MYH15: variants seen among roughly 807,000 people sequenced by gnomAD.
MYH15 encodes the protein myosin heavy chain 15.
In MYH15, 227 loss-of-function variants were observed where a neutral mutation model predicts 240.5. The ratio of observed to expected loss-of-function variants is 0.94; its 90% CI spans 0.85 to 1.05. MYH15 has a LOEUF of 1.05. Ranked by LOEUF, MYH15 falls within the 50% of genes least tolerant of loss-of-function variation. The probability of loss-of-function intolerance (pLI) is 0.00; values close to 1 mark genes in which losing one functional copy is unlikely to be tolerated. For synonymous variants in MYH15, 785 were observed against 796.7 expected, an observed-to-expected ratio of 0.99 and a Z score of 0.25; for missense variants, 2,217 against 2,247.5, an observed-to-expected ratio of 0.99 and a Z score of 0.27.
At chr3:108,407,015 G>A (rs1290274532) in intron 32 of MYH15, among the ~76,000 whole-genome samples, 3 of 152,174 alleles carry the variant, frequency 2.0e-5, no homozygotes, top group Non-Finnish European at 4.4e-5. Context: ...CAAAGGGAAC[G>A]AGTAAACAAA....
At chr3:108,524,324 A>T (rs981917645) in intron 1 of MYH15, among the ~76,000 whole-genome samples, 2 of 151,838 alleles carry the variant, frequency 1.3e-5, no homozygotes, top group Non-Finnish European at 2.9e-5. Context: ...TCGAATACTC[A>T]TTTGGATTAG....
chr3:108,405,201 A>G, intron 33 of MYH15, 137 bp downstream of exon 33: 1 of 445,508 alleles, frequency 2.2e-6, no homozygotes, highest in Non-Finnish European at 4.1e-6. Flanking sequence ...TATATAAAAG[A>G]AAATAATATA....
Position 108,450,665 on chromosome 3 carries a change from T to C in MYH15, c.2399+3341A>G, listed in dbSNP as rs193297942. Among the ~76,000 whole-genome samples, 320 of 147,802 alleles carry C rather than the reference T, an allele frequency of 2.2e-3. 1 individual carries two copies. The highest frequency in any genetic ancestry group is 7.9e-3 in the African/African-American group (297 of 37,652). On this transcript the variant is annotated intron_variant, in intron 21 of 40. Coordinates refer to ENST00000693548, the MANE Select transcript of MYH15 (RefSeq NM_014981.3). ...CAGTTAATAATACTGTATTGTATACTGGAAATTTGCTTAGAGAGTAGACCT... is the reference window on the plus strand; with the variant it reads ...CAGTTAATAATACTGTATTGTATACCGGAAATTTGCTTAGAGAGTAGACCT...
chr3:108,525,953 CA>C (rs774908206), intron 1 of MYH15, among the ~76,000 whole-genome samples: 3 of 151,944 alleles, frequency 2.0e-5, no homozygotes, highest in Non-Finnish European at 2.9e-5. Flanking sequence ...AGTAGGCAAA[CA>C]AACATCTTTG....
At chr3:108,405,565 T>G in intron 32 of MYH15, 112 bp from the exon 33 acceptor site, 1 of 541,080 alleles carries the variant, frequency 1.8e-6, no homozygotes, top group Non-Finnish European at 3.0e-6. Context: ...CTGGGAGAGA[T>G]ATAGGTTCAA....
chr3:108,400,607 G>A lies in MYH15; in HGVS notation c.4737-1340C>T, dbSNP rs150567978. The stretch of plus-strand genomic sequence containing the variant: ...TTTGGGAGGCCGAGGTGGGCAGATC[G>A]AGACCAGCCTGGCCAACACGGTGAA... On this transcript the variant is annotated intron_variant, in intron 33 of 40. Transcript: ENST00000693548. Among the ~76,000 whole-genome samples the A allele has an allele frequency of 6.1e-3, 935 of 152,204 alleles. 8 individuals carry two copies. Among genetic ancestry groups the A allele is most frequent in the African/African-American group, 0.019 (777 of 41,522 alleles).
At chr3:108,457,853 G>A (rs1249424571) in intron 18 of MYH15, among the ~76,000 whole-genome samples, 1 of 152,122 alleles carries the variant, frequency 6.6e-6, no homozygotes, top group Non-Finnish European at 1.5e-5. Flanking sequence ...GACCAACTTG[G>A]TGAAACCCCA....
At chr3:108,411,211 A>G (rs775758422) in intron 30 of MYH15, among the ~76,000 whole-genome samples, 1 of 152,162 alleles carries the variant, frequency 6.6e-6, no homozygotes, top group Non-Finnish European at 1.5e-5. Flanking sequence ...ATATTTGCTT[A>G]TCCTAAAGCT....
intron 21 of MYH15, 146 bp from the exon 22 acceptor site, chr3:108,445,041 C>T (rs189009850): frequency 4.3e-6 from 4 of 933,758 alleles, no homozygotes; most frequent in Non-Finnish European, 6.2e-6. Flanking sequence ...TCTGGACTTT[C>T]ACTTGATTCT....
intron 21 of MYH15, among the ~76,000 whole-genome samples, chr3:108,445,604 C>T (rs2082920645): frequency 6.6e-6 from 1 of 151,886 alleles, no homozygotes; most frequent in Admixed American, 6.6e-5. Flanking sequence ...TAAACCCAAG[C>T]ACCAGAAGTT....
In MYH15 at chr3:108,460,382, A is replaced by G. The variant is rs1478985925; in HGVS notation, c.1865-15T>C. 8.3e-6 allele frequency: 13 copies of G among 1,568,764 alleles called. No individual in the cohort carries two copies. The highest frequency in any genetic ancestry group is 1.1e-5 in the Non-Finnish European group (13 of 1,161,316). On this transcript the variant is annotated splice_polypyrimidine_tract_variant and intron_variant, in intron 16 of 40. Transcript: ENST00000693548. ...AAATGGTATAGCTAGCAAAAAAAAA[A>G]AAAGAAAAAGATGAAAACATGTAAA...
At chr3:108,447,621 T>G (rs2082939653) in intron 21 of MYH15, among the ~76,000 whole-genome samples, 1 of 151,072 alleles carries the variant, frequency 6.6e-6, no homozygotes, top group Admixed American at 6.6e-5. Flanking sequence ...AAATACTGTA[T>G]CCAGCAAGGC....
At chr3:108,500,380 G>T (rs1168430689) in intron 3 of MYH15, 106 bp from the exon 4 acceptor site, 2 of 1,197,026 alleles carry the variant, frequency 1.7e-6, no homozygotes, top group African/African-American at 1.5e-5. Context: ...ACTTATAAAG[G>T]AACTCAGAGG....
intron 23 of MYH15, among the ~76,000 whole-genome samples, chr3:108,440,391 T>G (rs2082875535): frequency 6.6e-6 from 1 of 152,146 alleles, no homozygotes; most frequent in African/African-American, 2.4e-5. Flanking sequence ...ATCAGGCCCA[T>G]GTGCTTTTTA....
intron 21 of MYH15, among the ~76,000 whole-genome samples, chr3:108,446,476 T>C (rs1005915527): frequency 6.6e-6 from 1 of 152,152 alleles, no homozygotes; most frequent in African/African-American, 2.4e-5. Context: ...AGCCAGCCTA[T>C]AAAGACCAAA....
chr3:108,432,623 GGTCCCC>G (rs1487652087), intron 25 of MYH15, among the ~76,000 whole-genome samples: 6 of 152,232 alleles, frequency 3.9e-5, no homozygotes, highest in Non-Finnish European at 7.4e-5. Context: ...CTGGGCCCAG[GGTCCCC>G]GTGCTGCGTG....
chr3:108,468,522 A>C (rs894785163), intron 14 of MYH15, among the ~76,000 whole-genome samples: 1 of 152,222 alleles, frequency 6.6e-6, no homozygotes. Context: ...AATCTTTTCA[A>C]GGAAGGCTTT....
intron 19 of MYH15, 95 bp from the exon 20 acceptor site, chr3:108,455,954 T>A (rs1319030890): frequency 1.6e-6 from 2 of 1,234,682 alleles, no homozygotes; most frequent in East Asian, 2.4e-5. Flanking sequence ...AGACATAGAT[T>A]TTTATCTCTG....
chr3:108,491,494 C>A (rs2083347991), intron 9 of MYH15, among the ~76,000 whole-genome samples: 1 of 152,054 alleles, frequency 6.6e-6, no homozygotes, highest in Non-Finnish European at 1.5e-5. Context: ...CAGTCTCTAC[C>A]AAGACCTGTC....
Sources: allele counts gnomAD v4.1 joint callset (sites outside exome capture counted in the v4.1 genomes callset), GRCh38; gene constraint gnomAD v4.1.1; transcripts MANE v1.5; gene names NCBI Gene and HGNC (gene_info 2026-07-23, HGNC 2026-07-21).